Variants in WDR77 observed in about 807,000 individuals in gnomAD.
The protein encoded by WDR77 is methylosome protein WDR77.
In WDR77, 31 loss-of-function variants were observed where a neutral mutation model predicts 44.0. The ratio of observed to expected loss-of-function variants is 0.70; its 90% CI spans 0.53 to 0.95. The LOEUF (loss-of-function observed/expected upper bound fraction) is 0.95, where lower values mean the gene tolerates loss of function less well. Among genes scored for constraint, WDR77 ranks in the 40% least tolerant of loss-of-function variants. WDR77 has a pLI of 0.00. For missense variants in WDR77, 390 were observed against 423.9 expected (o/e 0.92, Z 0.70); for synonymous variants, 186 against 165.7 (o/e 1.12, Z -0.94).
At chr1:111,441,988 C>A (rs747599242) in intron 9 of WDR77, 37 bp downstream of exon 9, 1 of 1,599,144 alleles carries the variant, frequency 6.3e-7, no homozygotes, top group African/African-American at 1.3e-5. Flanking sequence ...CACTGCTCCC[C>A]TTCCCTGATT....
At chr1:111,447,285 T>G (rs935959876) in intron 3 of WDR77, 141 bp from the exon 4 acceptor site, 12 of 1,470,852 alleles carry the variant, frequency 8.2e-6, no homozygotes, top group Non-Finnish European at 1.0e-5. Flanking sequence ...TACGATGGAC[T>G]GCAAAATCCC....
chr1:111,441,284 G>A lies in WDR77; in HGVS notation c.975C>T (p.His325=), dbSNP rs139581566. Residue 325 remains histidine (H), a synonymous_variant, in exon 10 of 10, where the codon CAC becomes CAT. Transcript: ENST00000235090. Reference sequence around the variant, plus strand: ...CTGGGAGAGGTTCTGTGGGCACAACGTGGTGGACGACCTGATGGTCCCAGC... The same window carrying A: ...CTGGGAGAGGTTCTGTGGGCACAACATGGTGGACGACCTGATGGTCCCAGC... ...TVGWDHQVVH[H]VVPTEPLPAP... 29 of 1,588,578 alleles carry A rather than the reference G, an allele frequency of 1.8e-5. No individual in the cohort carries two copies. Among genetic ancestry groups the A allele is most frequent in the Admixed American group, 1.1e-4 (6 of 56,988 alleles).
intron 7 of WDR77, 94 bp from the exon 8 acceptor site, chr1:111,442,855 C>T: frequency 2.5e-6 from 2 of 796,466 alleles, no homozygotes; most frequent in Non-Finnish European, 3.7e-6. Flanking sequence ...TAAAAGTTAA[C>T]CATTCTGAGC....
At chr1:111,445,829 C>T (rs1391584653) in intron 4 of WDR77, among the ~76,000 whole-genome samples, 4 of 151,942 alleles carry the variant, frequency 2.6e-5, no homozygotes, top group East Asian at 1.9e-4. Context: ...AGTGCAGTGG[C>T]GTGATCTCGA....
intron 2 of WDR77, 132 bp downstream of exon 2, chr1:111,448,487 G>A: frequency 2.9e-6 from 3 of 1,031,576 alleles, no homozygotes; most frequent in Non-Finnish European, 4.3e-6. Context: ...TTGCATTCGG[G>A]GCCAACACTC....
In WDR77 at chr1:111,445,110, G is replaced by A. The variant is rs543341163; in HGVS notation, c.494-986C>T. On this transcript the variant is annotated intron_variant, in intron 4 of 9. Transcript: ENST00000235090. ...ACCTTCTCTGCAACTACTTAAATAA[G>A]CATTTTTAGGTATCAGTTTAAAAAT... is the stretch of plus-strand genomic sequence containing the variant. Among the ~76,000 whole-genome samples the A allele has an allele frequency of 2.0e-5, 3 of 152,250 alleles. No homozygotes were observed. The South Asian group carries it at 6.2e-4, about 32-fold the overall frequency.
At position 111,449,209 on chromosome 1, in the gene WDR77, CCGGCCGG is replaced by C; in HGVS notation, c.-47_-41del. On this transcript the variant is annotated 5_prime_UTR_variant, in exon 1 of 10. Coordinates refer to ENST00000235090, the MANE Select transcript of WDR77 (RefSeq NM_024102.4). Reference sequence around the variant, plus strand: ...CTCCAACCTAGACTCAAACTGGACGCCGGCCGGAGACTCCGCTCCGGCAGCAAACCCC... The same window carrying C: ...CTCCAACCTAGACTCAAACTGGACGCAGACTCCGCTCCGGCAGCAAACCCC... 6.5e-7 allele frequency: 1 copy of C among 1,540,186 alleles called. No homozygotes were observed.
intron 9 of WDR77, 56 bp from the exon 10 acceptor site, chr1:111,441,445 G>GA (rs1474533750): frequency 2.1e-6 from 3 of 1,422,440 alleles, no homozygotes; most frequent in African/African-American, 1.5e-5. Context: ...CAGACCTGGA[G>GA]AAAAAAAGAG....
chr1:111,446,338 A>G (rs1653030496), intron 4 of WDR77, among the ~76,000 whole-genome samples: 1 of 152,356 alleles, frequency 6.6e-6, no homozygotes, highest in East Asian at 1.9e-4. Flanking sequence ...AGTGCTGTTA[A>G]TGAAAGTGAG....
In WDR77 at chr1:111,447,551, A is replaced by G. The variant is rs747442821; in HGVS notation, c.327T>C (p.Asp109=). 5 of 1,614,114 alleles carry G rather than the reference A, an allele frequency of 3.1e-6. No individual in the cohort carries two copies. The Admixed American group carries it at 8.3e-5, about 27-fold the overall frequency. ...DSGAVELWEL[D]ENETLIVSKF... ...TGCTGACAATAAGTGTCTCATTCTC[A>G]TCTAGTTCCCACAATTCAACAGCAC... The change falls in exon 3 of 10, where the codon GAT becomes GAC. Residue 109 remains aspartate, a synonymous_variant. Transcript: ENST00000235090.
At chr1:111,442,786 T>C (rs911358819) in intron 7 of WDR77, 25 bp from the exon 8 acceptor site, 3 of 1,499,872 alleles carry the variant, frequency 2.0e-6, no homozygotes, top group South Asian at 1.3e-5. Flanking sequence ...GAACATGTCA[T>C]AGTGATTAAG....
At chr1:111,445,079 G>T (rs902811546) in intron 4 of WDR77, among the ~76,000 whole-genome samples, 1 of 152,202 alleles carries the variant, frequency 6.6e-6, no homozygotes, top group South Asian at 2.1e-4. Context: ...TTATATGCCA[G>T]AAATTACCTT....
Position 111,443,340 on chromosome 1 carries a change from C to T in WDR77, c.674G>A (p.Ser225Asn). The T allele has an allele frequency of 6.4e-7, 1 of 1,551,878 alleles. No individual in the cohort carries two copies. The highest frequency in any genetic ancestry group is 1.2e-5 in the South Asian group (1 of 84,070). ...PTSLAWHPQQ[S>N]EVFVFGDENG... ...TGCCTTACCAAAGACAAAGACTTCA[C>T]TTTGCTGAGGATGCCAAGCCAGCGA... Residue 225 changes from serine to asparagine, a missense_variant, in exon 7 of 10, where the codon AGT becomes AAT. By Grantham distance (46) the Ser-to-Asn change is conservative (BLOSUM62 1). Coordinates refer to ENST00000235090, the MANE Select transcript of WDR77 (RefSeq NM_024102.4).
At chr1:111,448,842 A>G (rs762491020) in intron 1 of WDR77, 38 bp from the exon 2 acceptor site, 5 of 1,552,902 alleles carry the variant, frequency 3.2e-6, no homozygotes, top group Non-Finnish European at 4.4e-6. Context: ...TGAAGGGTAG[A>G]AGGGTTCGCC....
At chr1:111,444,851 A>C (rs964788866) in intron 4 of WDR77, among the ~76,000 whole-genome samples, 2 of 152,238 alleles carry the variant, frequency 1.3e-5, no homozygotes, top group African/African-American at 4.8e-5. Flanking sequence ...ATGATAGATC[A>C]TTGTGATAAG....
chr1:111,448,094 G>A (rs1653125289), intron 2 of WDR77, among the ~76,000 whole-genome samples: 1 of 151,994 alleles, frequency 6.6e-6, no homozygotes, highest in Non-Finnish European at 1.5e-5. Context: ...ATTATGTAGT[G>A]TTCAAGCTCA....
rs991487232 is a variant in WDR77 at position 111,442,897 on chromosome 1, T to G, written c.692-136A>C. The G allele has an allele frequency of 2.7e-5, 15 of 559,668 alleles. No homozygotes were observed. In the Admixed American group the frequency reaches 5.1e-4, roughly 19 times the overall value. 34.7% of individuals were successfully genotyped at this position (559,668 alleles called of 1,614,324 possible). A position where few individuals can be genotyped will look rare whatever the true frequency, so the allele number is the denominator to read the frequency against. On this transcript the variant is annotated intron_variant, in intron 7 of 9. Coordinates refer to ENST00000235090, the MANE Select transcript of WDR77 (RefSeq NM_024102.4). ...TTTCTCTTTTGCAAAGTAGGAATAA[T>G]AAGTCACTGGATCATTGTGAAAATT...
At chr1:111,448,862 A>G (rs1025115956) in intron 1 of WDR77, 58 bp from the exon 2 acceptor site, 8 of 1,549,114 alleles carry the variant, frequency 5.2e-6, no homozygotes, top group Non-Finnish European at 7.0e-6. Flanking sequence ...CTCCATGGAG[A>G]CCGCACAGAA....
chr1:111,445,532 A>G (rs1322510238), intron 4 of WDR77, among the ~76,000 whole-genome samples: 2 of 152,192 alleles, frequency 1.3e-5, no homozygotes, highest in African/African-American at 4.8e-5. Flanking sequence ...AGGCCAAGGC[A>G]GGAGACCACT....
Sources: gnomAD v4.1 joint callset for allele counts (sites outside exome capture counted in the v4.1 genomes callset) on GRCh38, gnomAD v4.1.1 for gene constraint, MANE v1.5 for transcripts, NCBI Gene and HGNC (gene_info 2026-07-23, HGNC 2026-07-21) for gene names.